The following GAB3 variants were observed in gnomAD, a reference collection of about 807,000 sequenced individuals.
The protein encoded by GAB3 is GRB2-associated-binding protein 3.
A neutral mutation model predicts 40.4 loss-of-function variants in GAB3; 12 were observed. The observed-to-expected ratio is 0.30, with a 90% confidence interval of 0.19 to 0.48. The LOEUF (loss-of-function observed/expected upper bound fraction) is 0.48, where lower values mean the gene tolerates loss of function less well. Among genes scored for constraint, GAB3 ranks in the 20% least tolerant of loss-of-function variants. GAB3 has a pLI of 0.99. For synonymous variants in GAB3, 154 were observed against 176.7 expected, an observed-to-expected ratio of 0.87 and a Z score of 1.02; for missense variants, 381 against 461.9, an observed-to-expected ratio of 0.82 and a Z score of 1.61.
chrX:154,745,895 T>C (rs2071519521), intron 1 of GAB3, among the ~76,000 whole-genome samples: 1 of 109,521 alleles, frequency 9.1e-6, no homozygotes. Context: ...CTACTAAAAA[T>C]ACAAAAATTA....
At chrX:154,681,718 T>C (rs1285690323) in intron 8 of GAB3, among the ~76,000 whole-genome samples, 1 of 112,238 alleles carries the variant, frequency 8.9e-6, no homozygotes, top group Non-Finnish European at 1.9e-5. Flanking sequence ...TATTTCTCTA[T>C]ATTTTTCCTG....
intron 1 of GAB3, among the ~76,000 whole-genome samples, chrX:154,746,079 A>C (rs1332367038): frequency 9.1e-6 from 1 of 110,269 alleles, no homozygotes; most frequent in Non-Finnish European, 1.9e-5. Flanking sequence ...AAAAGAAAGA[A>C]AGAAAATTTG....
chrX:154,722,892 T>A (rs971699730), intron 1 of GAB3, among the ~76,000 whole-genome samples: 11 of 111,745 alleles, frequency 9.8e-5, no homozygotes, highest in Non-Finnish European at 1.9e-4. Flanking sequence ...CTTTCTTTTT[T>A]TTTGACAGAG....
chrX:154,719,655 C>T (rs2071099116), intron 1 of GAB3, among the ~76,000 whole-genome samples: 1 of 112,034 alleles, frequency 8.9e-6, no homozygotes, highest in Non-Finnish European at 1.9e-5. Flanking sequence ...GTGTGTCATC[C>T]CTTAGGTTTT....
At chrX:154,723,895 T>G (rs1288423411) in intron 1 of GAB3, among the ~76,000 whole-genome samples, 1 of 112,009 alleles carries the variant, frequency 8.9e-6, no homozygotes, top group African/African-American at 3.3e-5. Flanking sequence ...TGTGTGACTT[T>G]GAGCACACAG....
intron 8 of GAB3, 65 bp downstream of exon 8, chrX:154,695,852 C>A: frequency 1.5e-6 from 1 of 650,943 alleles, no homozygotes. Flanking sequence ...GTTTCCTTTA[C>A]AATGAGCTCA....
At chrX:154,678,662 G>A (rs1435644387) in intron 9 of GAB3, among the ~76,000 whole-genome samples, 2 of 112,193 alleles carry the variant, frequency 1.8e-5, no homozygotes, top group Non-Finnish European at 3.8e-5. Context: ...CTGGTGGGAG[G>A]TAATTGAATC....
At chrX:154,712,739 G>C in intron 3 of GAB3, 38 bp from the exon 4 acceptor site, 2 of 924,030 alleles carry the variant, frequency 2.2e-6, no homozygotes, top group Non-Finnish European at 2.9e-6. Flanking sequence ...CTAAAATGCA[G>C]CCATCCACCC....
intron 8 of GAB3, among the ~76,000 whole-genome samples, chrX:154,684,429 C>A (rs782092532): frequency 2.8e-4 from 31 of 110,457 alleles, no homozygotes; most frequent in African/African-American, 1.0e-3. Context: ...TTTTTTAATC[C>A]AGAGAATTTG....
chrX:154,708,102 A>G (rs782807168), intron 4 of GAB3, among the ~76,000 whole-genome samples: 7 of 112,223 alleles, frequency 6.2e-5, no homozygotes, highest in Non-Finnish European at 9.4e-5. Context: ...TTGACAAGAG[A>G]GCAAAGAATA....
At chrX:154,707,395 T>G (rs1329577666) in intron 4 of GAB3, among the ~76,000 whole-genome samples, 7 of 112,378 alleles carry the variant, frequency 6.2e-5, no homozygotes, top group African/African-American at 2.3e-4. Context: ...GTTTGTTAAT[T>G]AGCTTGATTT....
chrX:154,690,157 G>GAAAAA (rs1557248966), intron 8 of GAB3, among the ~76,000 whole-genome samples: 12 of 108,377 alleles, frequency 1.1e-4, no homozygotes, highest in African/African-American at 4.0e-4. Flanking sequence ...AGAAAAACAA[G>GAAAAA]CAATGGGGAA....
chrX:154,677,836 A>G lies in GAB3; in HGVS notation c.*342T>C. 7.2e-6 allele frequency: 2 copies of G among 276,182 alleles called. No individual in the cohort carries two copies. Among genetic ancestry groups the G allele is most frequent in the Non-Finnish European group, 1.3e-5 (2 of 157,580 alleles). 22.8% of individuals were successfully genotyped at this position (276,182 alleles called of 1,213,427 possible). ...GATAATTTATCATTCTCATTGAAGC[A>G]CAGGAGAGAAGTCAGAATTTCAGGT... is the stretch of plus-strand genomic sequence containing the variant. On this transcript the variant is annotated 3_prime_UTR_variant, in exon 10 of 10. Coordinates refer to ENST00000424127, the MANE Select transcript of GAB3 (RefSeq NM_001081573.3).
intron 4 of GAB3, among the ~76,000 whole-genome samples, chrX:154,710,798 G>C (rs1557255690): frequency 8.9e-6 from 1 of 112,308 alleles, no homozygotes; most frequent in Non-Finnish European, 1.9e-5. Flanking sequence ...TCATGTAAAA[G>C]AACACAACCT....
chrX:154,745,356 T>C (rs2071510496), intron 1 of GAB3, among the ~76,000 whole-genome samples: 1 of 109,303 alleles, frequency 9.1e-6, no homozygotes, highest in Non-Finnish European at 1.9e-5. Flanking sequence ...AGGAAGATTA[T>C]AGCACTAAAT....
intron 8 of GAB3, among the ~76,000 whole-genome samples, chrX:154,693,180 C>G (rs2070599160): frequency 9.0e-6 from 1 of 111,546 alleles, no homozygotes; most frequent in East Asian, 2.8e-4. Context: ...TGAAAGAAGA[C>G]AAACACAAAA....
chrX:154,700,158 G>C (rs2070719729), intron 4 of GAB3, 99 bp from the exon 5 acceptor site: 4 of 640,800 alleles, frequency 6.2e-6, no homozygotes, highest in Admixed American at 2.7e-5. Context: ...GTTGCTATTA[G>C]AGTCTAGCTG....
chrX:154,744,346 C>A (rs782247582), intron 1 of GAB3, among the ~76,000 whole-genome samples: 8 of 109,547 alleles, frequency 7.3e-5, no homozygotes, highest in South Asian at 3.9e-4. Flanking sequence ...ATACACCGTG[C>A]AAGCACATAT....
At chrX:154,680,930 C>G (rs782678224) in intron 8 of GAB3, among the ~76,000 whole-genome samples, 1 of 112,432 alleles carries the variant, frequency 8.9e-6, no homozygotes, top group South Asian at 3.7e-4. Context: ...ACTCCACATT[C>G]ACTTGTGTCG....
Sources: gnomAD v4.1 joint callset for allele counts (sites outside exome capture counted in the v4.1 genomes callset) on GRCh38, gnomAD v4.1.1 for gene constraint, MANE v1.5 for transcripts, NCBI Gene and HGNC (gene_info 2026-07-23, HGNC 2026-07-21) for gene names.